The following CLIC5 variants were observed in gnomAD, a reference collection of about 807,000 sequenced individuals.
CLIC5 encodes the protein CLIC family member 5, also known as chloride intracellular channel protein 5.
In CLIC5, 20 loss-of-function variants were observed where a neutral mutation model predicts 24.7. The ratio of observed to expected loss-of-function variants is 0.81; its 90% CI spans 0.57 to 1.18. The LOEUF is 1.18. CLIC5 is among the 50% of genes most tolerant of loss of function. CLIC5 has a pLI of 0.00. For missense variants in CLIC5, 341 were observed against 326.1 expected (o/e 1.05, Z -0.35); for synonymous variants, 159 against 135.6 (o/e 1.17, Z -1.20).
the CLIC5 span, among the ~76,000 whole-genome samples, chr6:46,128,708 TGAGTATTCAA>T: frequency 7.2e-5 from 11 of 152,020 alleles, no homozygotes; most frequent in African/African-American, 2.7e-4. Flanking sequence ...AGTGACAGAG[TGAGTATTCAA>T]ACCAGGTTCT....
chr6:46,079,448 T>C (rs561253758), intron 1 of CLIC5, among the ~76,000 whole-genome samples: 1 of 152,338 alleles, frequency 6.6e-6, no homozygotes, highest in African/African-American at 2.4e-5. Flanking sequence ...TGTGAACCGT[T>C]TTGAAAAATA....
chr6:46,121,298 T>A, the CLIC5 span, among the ~76,000 whole-genome samples: 52 of 142,222 alleles, frequency 3.7e-4, no homozygotes, highest in South Asian at 1.1e-3. Context: ...AAGAAAAGAA[T>A]TTTCAACCCA....
intron 1 of CLIC5, among the ~76,000 whole-genome samples, chr6:45,998,724 G>T (rs1347581793): frequency 1.3e-5 from 2 of 152,134 alleles, no homozygotes; most frequent in Admixed American, 6.6e-5. Flanking sequence ...CTCACTGAAG[G>T]CAGCTCCTCC....
upstream of CLIC5, among the ~76,000 whole-genome samples, chr6:46,017,829 G>A (rs1767063283): frequency 6.6e-6 from 1 of 152,182 alleles, no homozygotes; most frequent in Non-Finnish European, 1.5e-5. Flanking sequence ...GCAAAGAAAA[G>A]GGAAAGATGT....
chr6:45,980,327 G>A (rs1375428490), intron 1 of CLIC5, among the ~76,000 whole-genome samples: 1 of 152,052 alleles, frequency 6.6e-6, no homozygotes, highest in African/African-American at 2.4e-5. Context: ...ACCAAATACT[G>A]CATGTTCTTA....
intron 1 of CLIC5, among the ~76,000 whole-genome samples, chr6:46,078,918 G>A (rs2022422): frequency 0.36 from 54,281 of 151,874 alleles, 9,936 homozygotes; most frequent in Middle Eastern, 0.49. Flanking sequence ...TTTATTGGCA[G>A]GAAAGAGCAG....
rs191003330 is a variant in CLIC5, at chr6:46,045,590, T to C, written c.540+34113A>G. Among the ~76,000 whole-genome samples, 19 of 152,290 alleles carry C rather than the reference T, an allele frequency of 1.2e-4. 1 individual carries two copies. The highest frequency in any genetic ancestry group is 3.6e-4 in the African/African-American group (15 of 41,558). ...TTGGGGTTGTTCATGGAAGTTTACT[T>C]AGTGTCTGTGTATCTATGGCTCCCT... On this transcript the variant is annotated intron_variant, in intron 1 of 5. Coordinates refer to the CLIC5 transcript ENST00000185206.
intron 5 of CLIC5, chr6:45,913,959 C>T (rs1317859751): frequency 1.9e-6 from 1 of 517,448 alleles, no homozygotes; most frequent in African/African-American, 2.0e-5. Flanking sequence ...ATTAAGCCCC[C>T]ACAATATGCC....
chr6:45,882,083 G>C (rs1390792017), intron 6 of CLIC5, among the ~76,000 whole-genome samples: 2 of 152,174 alleles, frequency 1.3e-5, no homozygotes, highest in Non-Finnish European at 2.9e-5. Context: ...CCACAGGTGA[G>C]TGTTAGCCTC....
At chr6:46,008,806 G>A (rs1040740596) in intron 1 of CLIC5, among the ~76,000 whole-genome samples, 2 of 152,096 alleles carry the variant, frequency 1.3e-5, no homozygotes, top group Non-Finnish European at 2.9e-5. Context: ...GGTCAATCTG[G>A]AGTGATTCAT....
Position 45,930,241 on chromosome 6 carries a change from C to T in CLIC5, c.406+11306G>A, listed in dbSNP as rs150216383. ...GCTTGTTAGTTCTAGGCTAACAGCC[C>T]TCCCAGGCCGCTCTGAATCCTTTCA... On this transcript the variant is annotated intron_variant, in intron 4 of 5. Coordinates refer to ENST00000339561, the MANE Select transcript of CLIC5 (RefSeq NM_016929.5). 3.0e-3 allele frequency among the ~76,000 whole-genome samples: 463 copies of T among 152,258 alleles called. 4 individuals are homozygous for T. The highest frequency in any genetic ancestry group is 0.011 in the African/African-American group (446 of 41,536).
chr6:46,124,238 T>C, the CLIC5 span, among the ~76,000 whole-genome samples: 1 of 152,096 alleles, frequency 6.6e-6, no homozygotes, highest in Non-Finnish European at 1.5e-5. Flanking sequence ...AACAGAGATA[T>C]AGACCAATGG....
intron 1 of CLIC5, among the ~76,000 whole-genome samples, chr6:46,077,412 A>G (rs942620826): frequency 3.9e-5 from 6 of 152,052 alleles, no homozygotes; most frequent in Non-Finnish European, 5.9e-5. Context: ...AAGCCCTACT[A>G]GGAAGACAGT....
intron 1 of CLIC5, among the ~76,000 whole-genome samples, chr6:46,007,250 T>G (rs1170822299): frequency 6.6e-6 from 1 of 152,190 alleles, no homozygotes; most frequent in Admixed American, 6.5e-5. Flanking sequence ...TCTTCAGAGT[T>G]AAAAGGAAAC....
intron 4 of CLIC5, among the ~76,000 whole-genome samples, chr6:45,922,599 C>T (rs1316983424): frequency 6.6e-6 from 1 of 152,142 alleles, no homozygotes; most frequent in African/African-American, 2.4e-5. Context: ...TTTAGGACAA[C>T]TTTAGCATGC....
chr6:46,110,977 G>C, the CLIC5 span, among the ~76,000 whole-genome samples: 2 of 152,158 alleles, frequency 1.3e-5, no homozygotes, highest in East Asian at 3.8e-4. Context: ...TGGGGAACTG[G>C]GGAGAGAAAA....
chr6:46,067,804 A>G (rs780672215), intron 1 of CLIC5, among the ~76,000 whole-genome samples: 7 of 152,178 alleles, frequency 4.6e-5, no homozygotes, highest in Non-Finnish European at 7.4e-5. Flanking sequence ...CCTTGCATCA[A>G]GGGGGAAATA....
rs150807311 is a variant in CLIC5 at position 45,923,055 on chromosome 6, G to A, written c.407-8646C>T. Among the ~76,000 whole-genome samples the A allele has an allele frequency of 5.3e-5, 8 of 152,270 alleles. No homozygotes were observed. In the South Asian group the frequency reaches 1.0e-3, roughly 20 times the overall value. On this transcript the variant is annotated intron_variant, in intron 4 of 5. Coordinates refer to ENST00000339561, the MANE Select transcript of CLIC5 (RefSeq NM_016929.5). ...TGTATTTTCCACAGAGAACATGTAC[G>A]TGTGTTTTCTATTAGACTTTCCAGA...
intron 5 of CLIC5, among the ~76,000 whole-genome samples, chr6:45,911,324 T>C (rs1762810808): frequency 6.6e-6 from 1 of 152,138 alleles, no homozygotes. Flanking sequence ...CTGGCTTAGG[T>C]AACTACAAGC....
Sources: allele counts gnomAD v4.1 joint callset (sites outside exome capture counted in the v4.1 genomes callset), GRCh38; gene constraint gnomAD v4.1.1; transcripts MANE v1.5; gene names NCBI Gene and HGNC (gene_info 2026-07-23, HGNC 2026-07-21).